The following CYP19A1 variants were observed in gnomAD, a reference collection of about 807,000 sequenced individuals.
CYP19A1 encodes the protein cytochrome P450 family 19 subfamily A member 1.
Under a neutral mutation model 44.4 loss-of-function variants are expected in CYP19A1, and 32 were observed. The observed-to-expected ratio is 0.72, with a 90% CI of 0.54 to 0.97. The LOEUF is 0.97. Among genes scored for constraint, CYP19A1 ranks in the 50% least tolerant of loss-of-function variants. The pLI is 0.00. For synonymous variants in CYP19A1, 212 were observed against 215.6 expected (o/e 0.98, Z 0.14); for missense variants, 598 against 637.8 (o/e 0.94, Z 0.67).
At chr15:51,310,979 G>C (rs537269621) in intron 1 of CYP19A1, among the ~76,000 whole-genome samples, 1 of 152,332 alleles carries the variant, frequency 6.6e-6, no homozygotes, top group Admixed American at 6.5e-5. Context: ...GCTTGCTGTT[G>C]AACTTAACGG....
At chr15:51,295,777 A>G (rs1447613858) in intron 1 of CYP19A1, among the ~76,000 whole-genome samples, 1 of 152,226 alleles carries the variant, frequency 6.6e-6, no homozygotes, top group East Asian at 1.9e-4. Flanking sequence ...CCTCGGGTCC[A>G]GTTCTGGATG....
chr15:51,314,321 T>C (rs571685709), intron 1 of CYP19A1, among the ~76,000 whole-genome samples: 4 of 152,178 alleles, frequency 2.6e-5, no homozygotes, highest in Admixed American at 1.3e-4. Context: ...AATAAAAGTA[T>C]TGATTTTGGG....
chr15:51,265,776 A>G (rs896225059), intron 1 of CYP19A1, among the ~76,000 whole-genome samples: 12 of 152,194 alleles, frequency 7.9e-5, no homozygotes, highest in African/African-American at 2.9e-4. Flanking sequence ...GTCCCCAAGC[A>G]AGGACTGCCC....
chr15:51,217,540 G>T (rs1260757978), intron 6 of CYP19A1, among the ~76,000 whole-genome samples: 6 of 152,102 alleles, frequency 3.9e-5, no homozygotes, highest in Non-Finnish European at 8.8e-5. Flanking sequence ...ACATCAAGTC[G>T]GCTTCTTCTC....
At chr15:51,297,586 G>A (rs923971217) in intron 1 of CYP19A1, among the ~76,000 whole-genome samples, 2 of 151,964 alleles carry the variant, frequency 1.3e-5, no homozygotes, top group African/African-American at 4.8e-5. Context: ...AGCTACCTCA[G>A]CTTCCATGAT....
chr15:51,246,200 G>C (rs544969461), intron 1 of CYP19A1, among the ~76,000 whole-genome samples: 124 of 152,016 alleles, frequency 8.2e-4, no homozygotes, highest in Non-Finnish European at 1.4e-3. Flanking sequence ...AATATAGGAA[G>C]GTCCTAGAAC....
intron 1 of CYP19A1, among the ~76,000 whole-genome samples, chr15:51,316,827 T>A (rs1281442439): frequency 6.6e-6 from 1 of 152,192 alleles, no homozygotes; most frequent in Non-Finnish European, 1.5e-5. Context: ...TGTGACTAAG[T>A]TCTAGCCAAA....
intron 1 of CYP19A1, 41 bp from the exon 2 acceptor site, chr15:51,242,991 A>G: frequency 9.0e-6 from 9 of 1,003,306 alleles, no homozygotes; most frequent in South Asian, 8.9e-5. Flanking sequence ...AGAATCCCCT[A>G]AAAGGTTCAT....
At chr15:51,293,039 T>C (rs1181341238) in intron 1 of CYP19A1, among the ~76,000 whole-genome samples, 1 of 151,808 alleles carries the variant, frequency 6.6e-6, no homozygotes, top group Non-Finnish European at 1.5e-5. Flanking sequence ...ACCAACACAA[T>C]TGGCCGAGCT....
chr15:51,256,204 T>C (rs1327211602), intron 1 of CYP19A1, among the ~76,000 whole-genome samples: 1 of 152,228 alleles, frequency 6.6e-6, no homozygotes, highest in Non-Finnish European at 1.5e-5. Flanking sequence ...CCACCCCCTC[T>C]ACCTAACCTT....
intron 1 of CYP19A1, among the ~76,000 whole-genome samples, chr15:51,325,615 G>A (rs369592670): frequency 5.8e-4 from 88 of 152,180 alleles, no homozygotes; most frequent in African/African-American, 1.9e-3. Context: ...CGAGGTGGGC[G>A]GATCACGAGG....
intron 1 of CYP19A1, among the ~76,000 whole-genome samples, chr15:51,268,622 C>G (rs1356306940): frequency 3.4e-5 from 5 of 148,714 alleles, no homozygotes; most frequent in African/African-American, 1.2e-4. Context: ...GAGTAAAAAT[C>G]TAACAGTGGC....
At chr15:51,275,965 G>A (rs562617216) in intron 1 of CYP19A1, among the ~76,000 whole-genome samples, 1 of 152,284 alleles carries the variant, frequency 6.6e-6, no homozygotes, top group South Asian at 2.1e-4. Flanking sequence ...TGAAGGAAAA[G>A]GGCCGTCAAG....
intron 1 of CYP19A1, among the ~76,000 whole-genome samples, chr15:51,285,035 C>T (rs1375176860): frequency 2.0e-5 from 3 of 152,190 alleles, no homozygotes; most frequent in East Asian, 3.9e-4. Flanking sequence ...GATGAACGAA[C>T]CGTGTGGGTG....
intron 1 of CYP19A1, among the ~76,000 whole-genome samples, chr15:51,260,151 T>C (rs1379412767): frequency 8.5e-5 from 13 of 152,170 alleles, no homozygotes; most frequent in Non-Finnish European, 1.5e-4. Context: ...TCACTAGGAT[T>C]TTGCTGAAAC....
intron 1 of CYP19A1, among the ~76,000 whole-genome samples, chr15:51,274,266 A>T (rs551587261): frequency 6.6e-6 from 1 of 152,300 alleles, no homozygotes; most frequent in African/African-American, 2.4e-5. Context: ...TTGCACAAGG[A>T]TTATTACCGA....
chr15:51,233,192 C>A (rs2033156894), intron 3 of CYP19A1, among the ~76,000 whole-genome samples: 1 of 152,006 alleles, frequency 6.6e-6, no homozygotes, highest in African/African-American at 2.4e-5. Flanking sequence ...CTCCCCCATC[C>A]TCCTTCCCTA....
chr15:51,261,185 C>T (rs1218305488), intron 1 of CYP19A1, among the ~76,000 whole-genome samples: 1 of 152,198 alleles, frequency 6.6e-6, no homozygotes, highest in Non-Finnish European at 1.5e-5. Flanking sequence ...CTTCCATGAC[C>T]CACGGCTTCT....
chr15:51,284,688 T>G (rs1032114382), intron 1 of CYP19A1, among the ~76,000 whole-genome samples: 4 of 152,072 alleles, frequency 2.6e-5, no homozygotes, highest in Non-Finnish European at 4.4e-5. Context: ...TACAAAAAGA[T>G]CAACCCATAA....
Sources: gnomAD v4.1 joint callset for allele counts (sites outside exome capture counted in the v4.1 genomes callset) on GRCh38, gnomAD v4.1.1 for gene constraint, MANE v1.5 for transcripts, NCBI Gene and HGNC (gene_info 2026-07-23, HGNC 2026-07-21) for gene names.